Variants in POGZ observed in about 807,000 individuals in gnomAD.
POGZ encodes the protein pogo transposable element with ZNF domain.
Under a neutral mutation model 134.6 loss-of-function variants are expected in POGZ, and 17 were observed. The ratio of observed to expected loss-of-function variants is 0.13; its 90% CI spans 0.09 to 0.19. POGZ has a LOEUF of 0.19. POGZ is among the 10% of genes least tolerant of loss of function. The probability of loss-of-function intolerance (pLI) is 1.00; values close to 1 mark genes in which losing one functional copy is unlikely to be tolerated. For synonymous variants in POGZ, 693 were observed against 657.1 expected (o/e 1.05, Z -0.84); for missense variants, 1,306 against 1,769.7 (o/e 0.74, Z 4.70).
chr1:151,422,571 AT>A (rs1190862759), intron 10 of POGZ, among the ~76,000 whole-genome samples: 12 of 152,192 alleles, frequency 7.9e-5, no homozygotes, highest in Non-Finnish European at 2.9e-5. Context: ...CACTGTCTTA[AT>A]GATAAAGTAC....
chr1:151,439,184 C>T (rs78401871), intron 3 of POGZ: 2 of 152,276 alleles, frequency 1.3e-5, no homozygotes, highest in African/African-American at 2.4e-5. Flanking sequence ...AGTTTAGTCA[C>T]TTAGCAACTA....
chr1:151,419,697 T>G (rs1353208165), intron 10 of POGZ, among the ~76,000 whole-genome samples: 1 of 45,268 alleles, frequency 2.2e-5, no homozygotes, highest in South Asian at 8.4e-4. Context: ...AAAAAAAAAC[T>G]ACTTTCATGC....
At chr1:151,406,845 C>T (rs1162300120) in intron 17 of POGZ, 66 bp downstream of exon 17, 6 of 1,209,590 alleles carry the variant, frequency 5.0e-6, no homozygotes, top group African/African-American at 1.5e-5. Context: ...GCTCCTGATG[C>T]ATACAGTACG....
chr1:151,422,598 T>A (rs1403414409), intron 10 of POGZ, among the ~76,000 whole-genome samples: 1 of 150,388 alleles, frequency 6.6e-6, no homozygotes, highest in Non-Finnish European at 1.5e-5. Context: ...AATATTATCT[T>A]TTTTTTTTTG....
intron 1 of POGZ, among the ~76,000 whole-genome samples, chr1:151,445,531 A>AAG (rs1443308164): frequency 6.6e-6 from 1 of 151,812 alleles, no homozygotes; most frequent in Non-Finnish European, 1.5e-5. Context: ...TCAAAAAAAA[A>AAG]AAAAAAAGAA....
intron 10 of POGZ, among the ~76,000 whole-genome samples, chr1:151,421,788 T>C (rs1302461209): frequency 6.6e-6 from 1 of 152,238 alleles, no homozygotes; most frequent in Non-Finnish European, 1.5e-5. Context: ...AGACTCGCTC[T>C]GTCATCCAGG....
At chr1:151,455,305 C>G (rs1404415025) in intron 1 of POGZ, 1 of 152,160 alleles carries the variant, frequency 6.6e-6, no homozygotes, top group African/African-American at 2.4e-5. Flanking sequence ...AAGTAACTTC[C>G]TCAAGGTTAC....
Position 151,413,103 on chromosome 1 carries a change from CTTTT to C in POGZ, c.1679-711_1679-708del, listed in dbSNP as rs34480197. On this transcript the variant is annotated intron_variant, in intron 10 of 18. Coordinates refer to ENST00000271715, the MANE Select transcript of POGZ (RefSeq NM_015100.4). The stretch of plus-strand genomic sequence containing the variant: ...ATAGGTGTGAGCCACCGTGCCTGGG[CTTTT>C]TTTTTTTTTTTTTTTTTTAAGAGAC... Among the ~76,000 whole-genome samples the C allele has an allele frequency of 5.0e-4, 46 of 92,848 alleles. 1 individual carries two copies. Among genetic ancestry groups the C allele is most frequent in the Admixed American group, 3.4e-3 (28 of 8,140 alleles). The allele number at this position is 92,848 out of a possible 152,430, so 60.9% of individuals were successfully genotyped here.
At chr1:151,421,605 T>C (rs1435603372) in intron 10 of POGZ, among the ~76,000 whole-genome samples, 1 of 152,228 alleles carries the variant, frequency 6.6e-6, no homozygotes, top group Non-Finnish European at 1.5e-5. Context: ...TAACAATTTT[T>C]TATCTGGACA....
intron 3 of POGZ, among the ~76,000 whole-genome samples, chr1:151,433,602 G>A (rs1221082819): frequency 5.2e-5 from 2 of 38,610 alleles, no homozygotes; most frequent in Non-Finnish European, 1.2e-4. Context: ...GCGAAATTCC[G>A]TCTCAAAAAA....
chr1:151,409,736 CTCT>C (rs1654334375), intron 12 of POGZ, among the ~76,000 whole-genome samples: 1 of 151,802 alleles, frequency 6.6e-6, no homozygotes, highest in African/African-American at 2.4e-5. Context: ...CACCTCAGCC[CTCT>C]TCTTTTTCTC....
rs1381596594 is a variant in POGZ at position 151,442,304 on chromosome 1, C to A, written c.-1-99G>T. On this transcript the variant is annotated intron_variant, in intron 1 of 18. Transcript: ENST00000271715. The stretch of plus-strand genomic sequence containing the variant: ...GAACTTTGACTCCATTGGTAACCTA[C>A]CTCCTTGGACTCCTTTATCATATCC... 1.5e-5 allele frequency: 14 copies of A among 941,658 alleles called. No individual in the cohort carries two copies. In the South Asian group the frequency reaches 1.8e-4, roughly 12 times the overall value. The allele number at this position is 941,658 out of a possible 1,614,324, so 58.3% of individuals were successfully genotyped here. A position where few individuals can be genotyped will look rare whatever the true frequency, so the allele number is the denominator to read the frequency against.
intron 7 of POGZ, chr1:151,426,973 A>G (rs1410412452): frequency 6.6e-6 from 1 of 152,036 alleles, no homozygotes; most frequent in Non-Finnish European, 1.5e-5. Flanking sequence ...CTCATGGCTC[A>G]CTGCAGGCTC....
chr1:151,451,564 G>A (rs897692510), intron 1 of POGZ, among the ~76,000 whole-genome samples: 1 of 151,594 alleles, frequency 6.6e-6, no homozygotes, highest in African/African-American at 2.4e-5. Context: ...GACCTCAGGT[G>A]ATCCACCCGC....
chr1:151,415,973 G>A (rs1655572730), intron 10 of POGZ, among the ~76,000 whole-genome samples: 1 of 152,022 alleles, frequency 6.6e-6, no homozygotes, highest in Non-Finnish European at 1.5e-5. Flanking sequence ...CAGAGCTTTG[G>A]GAGGCAGAGG....
intron 1 of POGZ, among the ~76,000 whole-genome samples, chr1:151,447,153 A>C (rs1661391557): frequency 6.6e-6 from 1 of 152,170 alleles, no homozygotes; most frequent in South Asian, 2.1e-4. Flanking sequence ...CGGGAGGCTA[A>C]GGCGGGCGGA....
intron 12 of POGZ, 59 bp from the exon 13 acceptor site, chr1:151,408,887 C>G (rs1342049157): frequency 5.3e-6 from 8 of 1,516,754 alleles, no homozygotes; most frequent in Non-Finnish European, 7.2e-6. Context: ...AATAAATTTT[C>G]TTTTTTGAGG....
At chr1:151,414,540 T>C (rs1655282793) in intron 10 of POGZ, among the ~76,000 whole-genome samples, 1 of 152,272 alleles carries the variant, frequency 6.6e-6, no homozygotes, top group Non-Finnish European at 1.5e-5. Context: ...CCCAACACTT[T>C]GGGAGGCCAA....
chr1:151,413,283 T>TA (rs898737034), intron 10 of POGZ, among the ~76,000 whole-genome samples: 2 of 151,594 alleles, frequency 1.3e-5, no homozygotes, highest in African/African-American at 4.9e-5. Flanking sequence ...CCCAAGTAAT[T>TA]AAAAAAAATT....
Sources: allele counts gnomAD v4.1 joint callset (sites outside exome capture counted in the v4.1 genomes callset), GRCh38; gene constraint gnomAD v4.1.1; transcripts MANE v1.5; gene names NCBI Gene and HGNC (gene_info 2026-07-23, HGNC 2026-07-21).